NWD1: variants seen among roughly 807,000 people sequenced by gnomAD.
NWD1 encodes the protein NACHT domain- and WD repeat-containing protein 1.
NWD1 carries 129 observed loss-of-function variants against 135.1 expected under a neutral mutation model. The ratio of observed to expected loss-of-function variants is 0.96; its 90% CI spans 0.83 to 1.11. The LOEUF is 1.11. Ranked by LOEUF, NWD1 falls within the 50% of genes least tolerant of loss-of-function variation. NWD1 has a pLI of 0.00. For missense variants in NWD1, 1,740 were observed against 1,851.3 expected (o/e 0.94, Z 1.10); for synonymous variants, 773 against 786.0 (o/e 0.98, Z 0.28).
intron 4 of NWD1, among the ~76,000 whole-genome samples, chr19:16,737,238 A>G (rs1387250267): frequency 6.6e-6 from 1 of 152,072 alleles, no homozygotes; most frequent in Non-Finnish European, 1.5e-5. Flanking sequence ...GGTTTTGGCT[A>G]TTAAAATTGA....
intron 15 of NWD1, among the ~76,000 whole-genome samples, chr19:16,795,237 G>C (rs1970380743): frequency 6.6e-6 from 1 of 152,198 alleles, no homozygotes; most frequent in Non-Finnish European, 1.5e-5. Context: ...TCAGCCCCTA[G>C]CAGGAGGGAG....
intron 6 of NWD1, among the ~76,000 whole-genome samples, chr19:16,758,878 C>G (rs1247051971): frequency 6.6e-6 from 1 of 151,880 alleles, no homozygotes; most frequent in East Asian, 1.9e-4. Flanking sequence ...CGTGGTGGCG[C>G]CTGTAGTCCC....
intron 4 of NWD1, among the ~76,000 whole-genome samples, chr19:16,741,260 C>T (rs1192035198): frequency 3.9e-5 from 6 of 152,128 alleles, no homozygotes; most frequent in Admixed American, 1.3e-4. Flanking sequence ...AGCCATGCTT[C>T]TTCCTGCCAC....
chr19:16,743,663 TATTTATTTATTA>T (rs1295299002), intron 4 of NWD1, among the ~76,000 whole-genome samples: 4 of 146,160 alleles, frequency 2.7e-5, no homozygotes, highest in Non-Finnish European at 5.9e-5. Flanking sequence ...CATATTTATT[TATTTATTTATTA>T]GTTTGTTTAT....
At chr19:16,741,763 A>T (rs1027093700) in intron 4 of NWD1, among the ~76,000 whole-genome samples, 1 of 152,056 alleles carries the variant, frequency 6.6e-6, no homozygotes. Flanking sequence ...GCACTCTAAC[A>T]GCTGCCATTT....
intron 3 of NWD1, among the ~76,000 whole-genome samples, chr19:16,733,036 A>C (rs1277321020): frequency 4.6e-5 from 7 of 151,874 alleles, no homozygotes; most frequent in Admixed American, 4.6e-4. Flanking sequence ...GGTCTGGGTA[A>C]TATAACAAGA....
At chr19:16,736,786 C>T in intron 4 of NWD1, 36 bp downstream of exon 4, 1 of 1,218,420 alleles carries the variant, frequency 8.2e-7, no homozygotes, top group Admixed American at 2.0e-5. Context: ...AGCTCTTACT[C>T]CTCCAGGATA....
intron 12 of NWD1, among the ~76,000 whole-genome samples, chr19:16,787,075 A>T (rs1017507058): frequency 5.3e-5 from 8 of 151,976 alleles, no homozygotes; most frequent in African/African-American, 1.9e-4. Flanking sequence ...TTTCCCCTTT[A>T]TGCCTTCCAA....
intron 18 of NWD1, among the ~76,000 whole-genome samples, chr19:16,811,015 G>A (rs1970908757): frequency 6.6e-6 from 1 of 152,100 alleles, no homozygotes; most frequent in Admixed American, 6.6e-5. Flanking sequence ...ACAGGCATGT[G>A]CCACTGCACC....
In NWD1 at chr19:16,744,197, C is replaced by G. The variant is rs145522776; in HGVS notation, c.199-224C>G. 2.6e-5 allele frequency among the ~76,000 whole-genome samples: 4 copies of G among 151,986 alleles called. 1 individual carries two copies. The South Asian group carries it at 8.3e-4, about 32-fold the overall frequency. The stretch of plus-strand genomic sequence containing the variant: ...TGAGTACAGGAGTTCAATACCAGCC[C>G]GGGTAATGTAGTGAGACCCTATCTG... On this transcript the variant is annotated intron_variant, in intron 4 of 18. Coordinates refer to ENST00000524140, the MANE Select transcript of NWD1 (RefSeq NM_001007525.5).
intron 1 of NWD1, among the ~76,000 whole-genome samples, chr19:16,723,180 C>T (rs374700146): frequency 4.8e-4 from 73 of 152,094 alleles, no homozygotes; most frequent in East Asian, 2.9e-3. Flanking sequence ...ACCGCAGACA[C>T]GAATCACCAT....
At chr19:16,746,219 G>T (rs1968308186) in intron 5 of NWD1, among the ~76,000 whole-genome samples, 1 of 151,988 alleles carries the variant, frequency 6.6e-6, no homozygotes, top group Non-Finnish European at 1.5e-5. Flanking sequence ...AATTAGTTGG[G>T]TGTGGTGGTG....
Position 16,815,035 on chromosome 19 carries a change from G to T in NWD1, c.4295G>T (p.Cys1432Phe). 6.2e-7 allele frequency: 1 copy of T among 1,613,952 alleles called. No homozygotes were observed. Among genetic ancestry groups the T allele is most frequent in the South Asian group, 1.1e-5 (1 of 91,074 alleles). ...WKFEMSYTAP[C>F] ...TTCTCTTCACCCTTACAGGCACCCT[G>T]CTGACAGTCCAGTTTGTCCATGCTG... The change falls in exon 19 of 19, where the codon TGC becomes TTC. Residue 1432 changes from cysteine to phenylalanine, a missense_variant. Coordinates refer to ENST00000524140, the MANE Select transcript of NWD1 (RefSeq NM_001007525.5).
At chr19:16,790,601 G>A (rs1291711863) in intron 13 of NWD1, among the ~76,000 whole-genome samples, 2 of 148,980 alleles carry the variant, frequency 1.3e-5, no homozygotes, top group South Asian at 2.1e-4. Context: ...CTGCACGTTC[G>A]GCACATGTAT....
chr19:16,725,452 T>C (rs1967291690), intron 2 of NWD1, among the ~76,000 whole-genome samples: 1 of 151,774 alleles, frequency 6.6e-6, no homozygotes, highest in Non-Finnish European at 1.5e-5. Context: ...CACTCCAGCC[T>C]GGGTGGCAGA....
At chr19:16,792,184 A>G (rs1185121002) in intron 14 of NWD1, among the ~76,000 whole-genome samples, 1 of 152,168 alleles carries the variant, frequency 6.6e-6, no homozygotes, top group Non-Finnish European at 1.5e-5. Context: ...CAGAGGGACT[A>G]GGAGTTGGGC....
intron 6 of NWD1, among the ~76,000 whole-genome samples, 165 bp from the exon 7 acceptor site, chr19:16,759,060 G>T (rs1331499682): frequency 6.7e-6 from 1 of 148,724 alleles, no homozygotes; most frequent in Admixed American, 6.8e-5. Context: ...GGTGGGTATT[G>T]CCCTAACCGT....
At chr19:16,723,297 C>G (rs934702183) in intron 1 of NWD1, among the ~76,000 whole-genome samples, 1 of 152,194 alleles carries the variant, frequency 6.6e-6, no homozygotes, top group Admixed American at 6.6e-5. Flanking sequence ...CTCCCAGGCT[C>G]AAGTGGTCCT....
chr19:16,791,558 G>A lies in NWD1; in HGVS notation c.3149G>A (p.Cys1050Tyr). The A allele has an allele frequency of 6.2e-7, 1 of 1,614,138 alleles. No homozygotes were observed. Among genetic ancestry groups the A allele is most frequent in the Non-Finnish European group, 8.5e-7 (1 of 1,180,012 alleles). Reference protein sequence around the residue: ...MSSIKEETPTCAVSVQKQGKL... With the variant: ...MSSIKEETPTYAVSVQKQGKL... ...AGCATCAAAGAAGAAACACCTACCT[G>A]TGCCGTCTCAGTCCAGAAGCAAGGA... The change falls in exon 14 of 19, where the codon TGT becomes TAT. Residue 1050 changes from cysteine to tyrosine, a missense_variant. Cys to Tyr is a radical substitution (Grantham distance 194). Transcript: ENST00000524140.
Sources: allele counts gnomAD v4.1 joint callset (sites outside exome capture counted in the v4.1 genomes callset), GRCh38; gene constraint gnomAD v4.1.1; transcripts MANE v1.5; gene names NCBI Gene and HGNC (gene_info 2026-07-23, HGNC 2026-07-21).